ZDHHC5: variants seen among roughly 807,000 people sequenced by gnomAD.
ZDHHC5 encodes zDHHC palmitoyltransferase 5.
Under a neutral mutation model 70.0 loss-of-function variants are expected in ZDHHC5, and 22 were observed. The ratio of observed to expected loss-of-function variants is 0.31; its 90% CI spans 0.22 to 0.45. The LOEUF (loss-of-function observed/expected upper bound fraction) is 0.45. Ranked by LOEUF, ZDHHC5 falls within the 20% of genes least tolerant of loss-of-function variation. The pLI, the probability that ZDHHC5 is intolerant of heterozygous loss-of-function variation, is 1.00. For synonymous variants in ZDHHC5, 313 were observed against 347.8 expected (o/e 0.90, Z 1.11); for missense variants, 746 against 926.9 (o/e 0.80, Z 2.53).
chr11:57,678,963 C>G (rs375445711), intron 2 of ZDHHC5, among the ~76,000 whole-genome samples: 1 of 152,092 alleles, frequency 6.6e-6, no homozygotes, highest in Non-Finnish European at 1.5e-5. Context: ...TGTGGATTAC[C>G]TAAGGCCTTG....
chr11:57,690,642 T>C (rs977314928), intron 6 of ZDHHC5, among the ~76,000 whole-genome samples: 7 of 152,204 alleles, frequency 4.6e-5, no homozygotes, highest in African/African-American at 1.7e-4. Context: ...ATTTCTCACA[T>C]ATACACCATG....
intron 2 of ZDHHC5, among the ~76,000 whole-genome samples, chr11:57,674,305 CT>C (rs1308066902): frequency 2.7e-5 from 4 of 149,126 alleles, no homozygotes; most frequent in African/African-American, 7.3e-5. Flanking sequence ...TAAACCTTCC[CT>C]TTTTCCTCAG....
chr11:57,669,497 C>T (rs1177329298), intron 1 of ZDHHC5, among the ~76,000 whole-genome samples: 1 of 152,110 alleles, frequency 6.6e-6, no homozygotes, highest in Non-Finnish European at 1.5e-5. Context: ...GCTCTGTCGC[C>T]CAGGCTGGAG....
At chr11:57,677,049 G>A (rs1397768927) in intron 2 of ZDHHC5, among the ~76,000 whole-genome samples, 3 of 148,074 alleles carry the variant, frequency 2.0e-5, no homozygotes, top group Non-Finnish European at 4.4e-5. Context: ...AGCCTCCCGA[G>A]TAGCTGGGAC....
intron 2 of ZDHHC5, among the ~76,000 whole-genome samples, chr11:57,681,070 G>A (rs915249296): frequency 3.7e-4 from 57 of 152,180 alleles, no homozygotes; most frequent in African/African-American, 1.3e-3. Flanking sequence ...AAAATGAATG[G>A]CTGAATGGAA....
At chr11:57,688,201 CTA>C (rs2135394141) in intron 3 of ZDHHC5, among the ~76,000 whole-genome samples, 1 of 152,312 alleles carries the variant, frequency 6.6e-6, no homozygotes, top group South Asian at 2.1e-4. Flanking sequence ...GATATGTAAA[CTA>C]TTTCTTTAAA....
chr11:57,685,214 C>T (rs17152039), intron 3 of ZDHHC5, among the ~76,000 whole-genome samples: 1 of 152,166 alleles, frequency 6.6e-6, no homozygotes, highest in East Asian at 1.9e-4. Flanking sequence ...TTTGTGACTT[C>T]CCTTCAAAGA....
rs114277597 is a variant in ZDHHC5, at chr11:57,692,711, A to G, written c.752+9A>G. 1,004 of 1,613,860 alleles carry G rather than the reference A, an allele frequency of 6.2e-4. 5 individuals are homozygous for G. The African/African-American group carries it at 9.2e-3, about 15-fold the overall frequency. On this transcript the variant is annotated intron_variant, in intron 7 of 11. Coordinates refer to ENST00000287169, the MANE Select transcript of ZDHHC5 (RefSeq NM_015457.3). ...AGTTCTCCAGCACCCAGGTACACCT[A>G]TCCCTCTGGTCTAGTGTTTACCATT...
At chr11:57,690,460 A>C (rs1396238223) in intron 6 of ZDHHC5, 23 bp downstream of exon 6, 1 of 1,612,172 alleles carries the variant, frequency 6.2e-7, no homozygotes, top group Non-Finnish European at 8.5e-7. Context: ...GTGACGAGAG[A>C]CCCCTGAAGA....
chr11:57,693,753 G>C (rs983501137), intron 7 of ZDHHC5, 30 bp from the exon 8 acceptor site: 81 of 1,425,906 alleles, frequency 5.7e-5, no homozygotes, highest in Admixed American at 2.3e-4. Flanking sequence ...CTCTCGCTGT[G>C]TCTCTCTCTC....
At chr11:57,680,055 T>C (rs1052695086) in intron 2 of ZDHHC5, among the ~76,000 whole-genome samples, 3 of 152,168 alleles carry the variant, frequency 2.0e-5, no homozygotes, top group African/African-American at 7.2e-5. Context: ...CAGGGATAGG[T>C]TGGCAGGATC....
At chr11:57,687,128 G>A (rs1451957019) in intron 3 of ZDHHC5, among the ~76,000 whole-genome samples, 1 of 152,210 alleles carries the variant, frequency 6.6e-6, no homozygotes, top group African/African-American at 2.4e-5. Context: ...ACCGTACCCA[G>A]CTGTACAGTT....
rs17852426 is a variant in ZDHHC5, at chr11:57,698,936, C to T, written c.1500C>T (p.Pro500=). ...ACCCACCTTTAGGCTATACCTCTCC[C>T]TTCCTGTCAGCCAGGCTGGCCCAGC... The part of the protein sequence containing the change: ...EPDPPLGYTS[P]FLSARLAQQR... Residue 500 remains proline (P), a synonymous_variant, in exon 11 of 12, where the codon CCC becomes CCT. Transcript: ENST00000287169. 6.2e-6 allele frequency: 10 copies of T among 1,613,988 alleles called. No individual in the cohort carries two copies. The highest frequency in any genetic ancestry group is 7.6e-6 in the Non-Finnish European group (9 of 1,180,010).
chr11:57,698,427 C>A, intron 10 of ZDHHC5, 132 bp from the exon 11 acceptor site: 1 of 1,251,440 alleles, frequency 8.0e-7, no homozygotes, highest in South Asian at 1.5e-5. Flanking sequence ...AGGGATTAAC[C>A]CAGATAATGC....
intron 3 of ZDHHC5, among the ~76,000 whole-genome samples, chr11:57,683,203 A>G (rs1946169405): frequency 6.6e-6 from 1 of 152,242 alleles, no homozygotes; most frequent in Admixed American, 6.5e-5. Flanking sequence ...CAAATTGTCA[A>G]GGACTTTACA....
intron 10 of ZDHHC5, 141 bp downstream of exon 10, chr11:57,697,014 G>A (rs896990098): frequency 1.4e-5 from 11 of 792,958 alleles, no homozygotes; most frequent in Non-Finnish European, 2.2e-5. Context: ...GGCCAACATG[G>A]TGAAACCCCG....
At chr11:57,688,692 T>C in intron 4 of ZDHHC5, 27 bp downstream of exon 4, 1 of 1,559,510 alleles carries the variant, frequency 6.4e-7, no homozygotes, top group Non-Finnish European at 8.7e-7. Flanking sequence ...GGGTAAGACT[T>C]CATGCTTAAC....
intron 2 of ZDHHC5, among the ~76,000 whole-genome samples, chr11:57,681,037 A>G (rs780314430): frequency 2.0e-5 from 3 of 152,258 alleles, no homozygotes; most frequent in Non-Finnish European, 2.9e-5. Flanking sequence ...AGCCTGGCAT[A>G]TAATAAATAC....
chr11:57,674,224 G>T (rs1314870744), intron 2 of ZDHHC5, among the ~76,000 whole-genome samples: 3 of 152,060 alleles, frequency 2.0e-5, no homozygotes, highest in Non-Finnish European at 4.4e-5. Context: ...TAGGATCTAG[G>T]ATCTGCATCA....
Sources: gnomAD v4.1 joint callset for allele counts (sites outside exome capture counted in the v4.1 genomes callset) on GRCh38, gnomAD v4.1.1 for gene constraint, MANE v1.5 for transcripts, NCBI Gene and HGNC (gene_info 2026-07-23, HGNC 2026-07-21) for gene names.